ARHGEF3: variants seen among roughly 807,000 people sequenced by gnomAD.
The protein encoded by ARHGEF3 is Rho guanine nucleotide exchange factor 3.
In ARHGEF3, 28 loss-of-function variants were observed where a neutral mutation model predicts 63.2. That is an observed-to-expected ratio of 0.44 (90% CI 0.33 to 0.61). The LOEUF is 0.61. ARHGEF3 is among the 20% of genes least tolerant of loss of function. The pLI, the probability that ARHGEF3 is intolerant of heterozygous loss-of-function variation, is 0.03. For synonymous variants in ARHGEF3, 266 were observed against 254.2 expected (o/e 1.05, Z -0.44); for missense variants, 533 against 659.3 (o/e 0.81, Z 2.10).
intron 4 of ARHGEF3, 80 bp downstream of exon 4, chr3:56,753,424 G>A (rs951906025): frequency 1.6e-6 from 2 of 1,232,192 alleles, no homozygotes; most frequent in East Asian, 2.3e-5. Flanking sequence ...CAGTTCTCAC[G>A]AAGCACCACT....
At chr3:56,761,905 G>A (rs2035441968) in intron 2 of ARHGEF3, among the ~76,000 whole-genome samples, 1 of 152,152 alleles carries the variant, frequency 6.6e-6, no homozygotes, top group South Asian at 2.1e-4. Flanking sequence ...AAGATTCATA[G>A]TGTAGCGGGG....
chr3:56,847,891 G>A (rs1264406015), intron 4 of ARHGEF3, among the ~76,000 whole-genome samples: 1 of 152,100 alleles, frequency 6.6e-6, no homozygotes, highest in Non-Finnish European at 1.5e-5. Flanking sequence ...CCTTGATTTT[G>A]TGAACAGTAG....
intron 1 of ARHGEF3, among the ~76,000 whole-genome samples, chr3:56,784,270 C>A (rs989170569): frequency 6.6e-6 from 1 of 152,106 alleles, no homozygotes; most frequent in African/African-American, 2.4e-5. Flanking sequence ...GCCATGGGCC[C>A]GGAGGATGTT....
chr3:57,044,122 CAT>C (rs1704345774), intron 1 of ARHGEF3, among the ~76,000 whole-genome samples: 1 of 152,266 alleles, frequency 6.6e-6, no homozygotes, highest in Non-Finnish European at 1.5e-5. Context: ...AATGTGTGCA[CAT>C]GTGTCTCCCC....
intron 2 of ARHGEF3, among the ~76,000 whole-genome samples, chr3:57,000,248 A>G (rs543966933): frequency 6.6e-6 from 1 of 151,674 alleles, no homozygotes; most frequent in South Asian, 2.1e-4. Flanking sequence ...CATCACATAC[A>G]CTCTTACAAT....
chr3:56,772,091 C>T (rs1258807997), intron 2 of ARHGEF3, among the ~76,000 whole-genome samples: 2 of 152,232 alleles, frequency 1.3e-5, no homozygotes, highest in Non-Finnish European at 2.9e-5. Flanking sequence ...CTTATTTTCT[C>T]TTTCCTCCAT....
At chr3:56,990,297 G>A (rs1701700032) in intron 2 of ARHGEF3, among the ~76,000 whole-genome samples, 1 of 152,228 alleles carries the variant, frequency 6.6e-6, no homozygotes, top group East Asian at 1.9e-4. Context: ...CAGAACACCT[G>A]CAAGGTGGCT....
chr3:56,935,907 A>G (rs922310241), intron 3 of ARHGEF3, among the ~76,000 whole-genome samples: 1 of 152,204 alleles, frequency 6.6e-6, no homozygotes, highest in Non-Finnish European at 1.5e-5. Flanking sequence ...CCTATGAGCT[A>G]CATATGATTT....
At chr3:57,014,431 TC>T (rs1560134300) in intron 2 of ARHGEF3, among the ~76,000 whole-genome samples, 3 of 152,046 alleles carry the variant, frequency 2.0e-5, no homozygotes, top group African/African-American at 2.4e-5. Flanking sequence ...ACTCCCATAT[TC>T]CAGAAGAAAG....
At chr3:56,848,332 T>C (rs2039557481) in intron 4 of ARHGEF3, among the ~76,000 whole-genome samples, 2 of 152,118 alleles carry the variant, frequency 1.3e-5, no homozygotes, top group African/African-American at 4.8e-5. Context: ...AAAAATAAAA[T>C]ATTTGGGGAA....
intron 3 of ARHGEF3, chr3:56,916,329 A>G (rs1281290345): frequency 1.3e-6 from 2 of 1,535,572 alleles, no homozygotes; most frequent in South Asian, 1.2e-5. Context: ...ACAAAGAGGC[A>G]GCACCACACC....
At chr3:57,023,558 T>C (rs1703346100) in intron 2 of ARHGEF3, among the ~76,000 whole-genome samples, 1 of 70,892 alleles carries the variant, frequency 1.4e-5, no homozygotes, top group African/African-American at 6.1e-5. Flanking sequence ...GGACAGAGTC[T>C]AAGCTCTTTA....
chr3:56,745,542 C>A (rs1407416764), intron 6 of ARHGEF3, 80 bp from the exon 7 acceptor site: 1 of 1,507,292 alleles, frequency 6.6e-7, no homozygotes, highest in Non-Finnish European at 9.0e-7. Context: ...TTTATTGGGA[C>A]TGAACAAACA....
At chr3:56,732,139 T>C (rs2033209907) in intron 9 of ARHGEF3, 99 bp downstream of exon 9, 2 of 1,425,294 alleles carry the variant, frequency 1.4e-6, no homozygotes, top group East Asian at 4.9e-5. Flanking sequence ...GCAGTTTGAC[T>C]TCAAGACCGT....
At chr3:56,812,122 G>C (rs1193538474) in intron 4 of ARHGEF3, among the ~76,000 whole-genome samples, 1 of 152,094 alleles carries the variant, frequency 6.6e-6, no homozygotes, top group Non-Finnish European at 1.5e-5. Flanking sequence ...ATTGAAATGG[G>C]GCTAATCAAA....
chr3:56,756,064 T>G (rs1259580961), intron 2 of ARHGEF3, among the ~76,000 whole-genome samples: 1 of 152,224 alleles, frequency 6.6e-6, no homozygotes, highest in African/African-American at 2.4e-5. Context: ...CAGCACATGA[T>G]TCCTGTCCCT....
At chr3:56,841,493 C>G (rs2039306812) in intron 4 of ARHGEF3, among the ~76,000 whole-genome samples, 1 of 152,168 alleles carries the variant, frequency 6.6e-6, no homozygotes, top group African/African-American at 2.4e-5. Flanking sequence ...CAGTCACTTA[C>G]AAGCTGAGTA....
intron 1 of ARHGEF3, chr3:57,074,540 T>C (rs1472887394): frequency 2.3e-6 from 1 of 434,906 alleles, no homozygotes; most frequent in African/African-American, 2.0e-5. Context: ...GAACCTTCAC[T>C]GTATTAAATG....
intron 4 of ARHGEF3, among the ~76,000 whole-genome samples, chr3:56,855,787 A>G (rs991039295): frequency 1.3e-5 from 2 of 152,174 alleles, no homozygotes; most frequent in African/African-American, 4.8e-5. Flanking sequence ...GTGGAAGGAA[A>G]AACTGTCATG....
Sources: allele counts gnomAD v4.1 joint callset (sites outside exome capture counted in the v4.1 genomes callset), GRCh38; gene constraint gnomAD v4.1.1; transcripts MANE v1.5; gene names NCBI Gene and HGNC (gene_info 2026-07-23, HGNC 2026-07-21).